The following FANCC variants were observed in gnomAD, a reference collection of about 807,000 sequenced individuals.
FANCC encodes FA complementation group C.
In FANCC, 55 loss-of-function variants were observed where a neutral mutation model predicts 71.3. The observed-to-expected ratio is 0.77, with a 90% confidence interval of 0.62 to 0.97. The LOEUF (loss-of-function observed/expected upper bound fraction) is 0.97, where lower values mean the gene tolerates loss of function less well. Among genes scored for constraint, FANCC ranks in the 50% least tolerant of loss-of-function variants. FANCC has a pLI of 0.00. For missense variants in FANCC, 678 were observed against 670.9 expected, an observed-to-expected ratio of 1.01 and a Z score of -0.12; for synonymous variants, 275 against 244.9, an observed-to-expected ratio of 1.12 and a Z score of -1.15.
intron 1 of FANCC, among the ~76,000 whole-genome samples, chr9:95,300,958 G>C (rs893196787): frequency 6.6e-6 from 1 of 152,126 alleles, no homozygotes; most frequent in South Asian, 2.1e-4. Flanking sequence ...AAATAAGACA[G>C]GGGAGGATGA....
intron 1 of FANCC, among the ~76,000 whole-genome samples, chr9:95,278,000 T>G (rs1404922431): frequency 6.6e-6 from 1 of 152,220 alleles, no homozygotes; most frequent in Non-Finnish European, 1.5e-5. Context: ...CTTATTCTCA[T>G]AACTGACATA....
intron 1 of FANCC, among the ~76,000 whole-genome samples, chr9:95,260,544 T>C (rs1831965796): frequency 1.3e-5 from 2 of 150,416 alleles, no homozygotes; most frequent in Non-Finnish European, 3.0e-5. Flanking sequence ...TGTCAGGGGG[T>C]TGGGGGACTA....
At chr9:95,230,498 C>T (rs909751318) in intron 4 of FANCC, among the ~76,000 whole-genome samples, 5 of 152,048 alleles carry the variant, frequency 3.3e-5, no homozygotes, top group African/African-American at 1.2e-4. Context: ...AGAATGAAGC[C>T]GCGGACTCTC....
chr9:95,117,537 A>C lies in FANCC; in HGVS notation c.997-147T>G. On this transcript the variant is annotated intron_variant, in intron 10 of 14. Coordinates refer to ENST00000289081, the MANE Select transcript of FANCC (RefSeq NM_000136.3). ...TTTCTTAAACATTTATTTTTTGAAA[A>C]ATAAGCTCCCAATAACCTCATATTT... The C allele has an allele frequency of 4.3e-6, 3 of 702,244 alleles. No individual in the cohort carries two copies. In the South Asian group the frequency reaches 4.7e-5, roughly 11 times the overall value. The allele number at this position is 702,244 out of a possible 1,614,324, so 43.5% of individuals were successfully genotyped here.
chr9:95,203,541 ATATAT>A (rs1247211903), intron 4 of FANCC, among the ~76,000 whole-genome samples: 1 of 152,152 alleles, frequency 6.6e-6, no homozygotes, highest in African/African-American at 2.4e-5. Context: ...TCCCAATTGT[ATATAT>A]TAGCAGTTCT....
chr9:95,110,656 T>C (rs2071844439), intron 13 of FANCC: 1 of 1,048,120 alleles, frequency 9.5e-7, no homozygotes, highest in African/African-American at 1.7e-5. Flanking sequence ...CTGTGTGTTT[T>C]CAAACAACAG....
At chr9:95,223,432 G>A (rs180883070) in intron 4 of FANCC, among the ~76,000 whole-genome samples, 1 of 152,244 alleles carries the variant, frequency 6.6e-6, no homozygotes, top group East Asian at 1.9e-4. Flanking sequence ...ATAAAGACAA[G>A]AGTCATGTTG....
intron 4 of FANCC, among the ~76,000 whole-genome samples, chr9:95,210,646 G>A (rs796171228): frequency 4.1e-4 from 63 of 152,260 alleles, no homozygotes; most frequent in African/African-American, 1.5e-3. Flanking sequence ...CTTGCCCAGG[G>A]TAATAAGTAG....
intron 1 of FANCC, among the ~76,000 whole-genome samples, chr9:95,270,590 G>A (rs1207350753): frequency 6.6e-6 from 1 of 152,254 alleles, no homozygotes; most frequent in African/African-American, 2.4e-5. Context: ...GCAAGGCAAG[G>A]AGCAGGCAGC....
At chr9:95,294,078 G>A in intron 1 of FANCC, 1 of 1,610,686 alleles carries the variant, frequency 6.2e-7, no homozygotes, top group Non-Finnish European at 8.5e-7. Flanking sequence ...CACAGAACAT[G>A]ACAGATAATC....
chr9:95,293,734 G>C (rs1588429801), intron 1 of FANCC: 2 of 1,613,768 alleles, frequency 1.2e-6, no homozygotes, highest in South Asian at 2.2e-5. Context: ...TTTTTGCCCA[G>C]CTCTAAGGTA....
At chr9:95,159,383 T>G (rs7045836) in intron 6 of FANCC, among the ~76,000 whole-genome samples, 12 of 152,138 alleles carry the variant, frequency 7.9e-5, no homozygotes, top group African/African-American at 2.9e-4. Context: ...TATGGCTGCA[T>G]AGCATTCCAT....
chr9:95,171,840 C>T (rs569335761), intron 5 of FANCC, among the ~76,000 whole-genome samples, 197 bp downstream of exon 5: 1 of 152,286 alleles, frequency 6.6e-6, no homozygotes, highest in South Asian at 2.1e-4. Context: ...AAAACCCTTC[C>T]TGGTTTCCTT....
chr9:95,099,125 A>T lies in FANCC; in HGVS notation c.*2582T>A, dbSNP rs2070998641. The T allele has an allele frequency of 4.8e-6, 1 of 209,760 alleles. No individual in the cohort carries two copies. The highest frequency in any genetic ancestry group is 1.9e-4 in the South Asian group (1 of 5,330). 13.0% of individuals were successfully genotyped at this position (209,760 alleles called of 1,614,324 possible). ...AATTACAGATTTTAAAGAGCTAAAAAATTCCACAGATGTCACGGAGTCCAG... is the reference window on the plus strand; with the variant it reads ...AATTACAGATTTTAAAGAGCTAAAATATTCCACAGATGTCACGGAGTCCAG... On this transcript the variant is annotated 3_prime_UTR_variant, in exon 15 of 15. Transcript: ENST00000289081.
intron 4 of FANCC, among the ~76,000 whole-genome samples, chr9:95,222,653 A>G (rs1829352768): frequency 6.6e-6 from 1 of 152,222 alleles, no homozygotes; most frequent in Non-Finnish European, 1.5e-5. Context: ...TCCTCAATAA[A>G]GTTGATTTTT....
At chr9:95,151,828 G>A (rs1830187343) in intron 6 of FANCC, among the ~76,000 whole-genome samples, 1 of 151,862 alleles carries the variant, frequency 6.6e-6, no homozygotes, top group Admixed American at 6.6e-5. Flanking sequence ...TCGGGGGGGC[G>A]GAGGTGGGAG....
intron 7 of FANCC, among the ~76,000 whole-genome samples, chr9:95,145,675 C>T (rs567992081): frequency 5.3e-5 from 8 of 152,110 alleles, no homozygotes; most frequent in South Asian, 2.1e-4. Flanking sequence ...GTGATACTGC[C>T]GCACGCACAT....
rs753820400 is a variant in FANCC, at chr9:95,247,521, G to A, written c.166-5C>T. On this transcript the variant is annotated splice_polypyrimidine_tract_variant and splice_region_variant and intron_variant, in intron 2 of 14. Coordinates refer to ENST00000289081, the MANE Select transcript of FANCC (RefSeq NM_000136.3). ...TTCAATGACTGTATTAGAATCCTGTGAAAGAAAAATAAATTTTGGTCAGTA... is the reference window on the plus strand; with the variant it reads ...TTCAATGACTGTATTAGAATCCTGTAAAAGAAAAATAAATTTTGGTCAGTA... The A allele has an allele frequency of 9.9e-6, 16 of 1,610,058 alleles. No homozygotes were observed. In the Admixed American group the frequency reaches 1.8e-4, roughly 18 times the overall value.
chr9:95,125,323 A>T lies in FANCC; in HGVS notation c.897-138T>A, dbSNP rs1418480801. 3 of 723,500 alleles carry T rather than the reference A, an allele frequency of 4.1e-6. No homozygotes were observed. The African/African-American group carries it at 5.3e-5, about 13-fold the overall frequency. The allele number at this position is 723,500 out of a possible 1,614,324, so 44.8% of individuals were successfully genotyped here. A position where few individuals can be genotyped will look rare whatever the true frequency, so the allele number is the denominator to read the frequency against. On this transcript the variant is annotated intron_variant, in intron 9 of 14. Transcript: ENST00000289081. ...GCAGTATCTCAACTCATCAGATTTC[A>T]GTCCTTGTGTGAAAACAGGATAAAT...
Sources: allele counts gnomAD v4.1 joint callset (sites outside exome capture counted in the v4.1 genomes callset), GRCh38; gene constraint gnomAD v4.1.1; transcripts MANE v1.5; gene names NCBI Gene and HGNC (gene_info 2026-07-23, HGNC 2026-07-21).